Variants in QSOX2 observed in about 807,000 individuals in gnomAD.
QSOX2 encodes the protein quiescin sulfhydryl oxidase 2, also known as sulfhydryl oxidase 2.
Under a neutral mutation model 61.7 loss-of-function variants are expected in QSOX2, and 46 were observed. That is an observed-to-expected ratio of 0.75 (90% CI 0.59 to 0.95). The LOEUF (loss-of-function observed/expected upper bound fraction) is 0.95. QSOX2 is among the 40% of genes least tolerant of loss of function. The pLI, the probability that QSOX2 is intolerant of heterozygous loss-of-function variation, is 0.00. For missense variants in QSOX2, 879 were observed against 918.9 expected, an observed-to-expected ratio of 0.96 and a Z score of 0.56; for synonymous variants, 383 against 388.4, an observed-to-expected ratio of 0.99 and a Z score of 0.16.
At chr9:136,226,914 G>C (rs1830287795) in intron 1 of QSOX2, 40 bp from the exon 2 acceptor site, 1 of 1,574,952 alleles carries the variant, frequency 6.3e-7, no homozygotes, top group South Asian at 1.1e-5. Flanking sequence ...GGTGAGCACT[G>C]GACTCCCGGG....
At position 136,223,730 on chromosome 9, in the gene QSOX2, G is replaced by T. The variant is rs757995608; in HGVS notation, c.675+33C>A. On this transcript the variant is annotated intron_variant, in intron 5 of 11. Transcript: ENST00000358701. This position sits in a 1 kb window ranked among gnomAD's most constrained non-coding sequence, Gnocchi z 4.4. ...CCACCGCCAACCCCAATCACACCAC[G>T]TGTGACACCTGGAGCCCACGCAGAG... The T allele has an allele frequency of 6.4e-7, 1 of 1,572,124 alleles. No individual in the cohort carries two copies. Among genetic ancestry groups the T allele is most frequent in the Non-Finnish European group, 8.7e-7 (1 of 1,144,136 alleles).
rs1472452977 is a variant in QSOX2, at chr9:136,218,674, C to G, written c.1086+5G>C. The G allele has an allele frequency of 6.2e-7, 1 of 1,613,214 alleles. No homozygotes were observed. On this transcript the variant is annotated splice_donor_5th_base_variant and intron_variant, in intron 8 of 11. Transcript: ENST00000358701. ...CATGCAGCCCAGACCAGCACCGTCC[C>G]AAACCTTGGCCAAGACAGTCACAAA...
At chr9:136,210,416 A>G in intron 11 of QSOX2, 1 of 985,462 alleles carries the variant, frequency 1.0e-6, no homozygotes, top group South Asian at 4.7e-5. Flanking sequence ...CAGGGGCTCC[A>G]GGTCCAGGCA....
rs747188566 is a variant in QSOX2, at chr9:136,209,304, G to A, written c.1550-29C>T. On this transcript the variant is annotated intron_variant, in intron 11 of 11. Transcript: ENST00000358701. This position sits in a 1 kb window ranked among gnomAD's most constrained non-coding sequence, Gnocchi z 5.6. The stretch of plus-strand genomic sequence containing the variant: ...GGAAGAAAAGGAAGCGGGAGAGCCA[G>A]AGGGAAGGAGGCTTTGTGCAGCCAC... 1.3e-6 allele frequency: 2 copies of A among 1,599,650 alleles called. No homozygotes were observed. Among genetic ancestry groups the A allele is most frequent in the East Asian group, 2.2e-5 (1 of 44,644 alleles).
intron 9 of QSOX2, among the ~76,000 whole-genome samples, chr9:136,216,121 C>G (rs527325507): frequency 3.3e-5 from 5 of 152,228 alleles, no homozygotes; most frequent in Non-Finnish European, 5.9e-5. Flanking sequence ...AGTAAACACT[C>G]TGGGGGCCAC....
chr9:136,218,445 C>T (rs1831939208), intron 8 of QSOX2, among the ~76,000 whole-genome samples: 2 of 152,242 alleles, frequency 1.3e-5, no homozygotes, highest in Admixed American at 1.3e-4. Flanking sequence ...TCGGCTCACA[C>T]CCCCGCCCCT....
rs555201228 is a variant in QSOX2, at chr9:136,207,136, C to T, written c.*1592G>A. The T allele has an allele frequency of 1.3e-5, 2 of 152,358 alleles. No homozygotes were observed. The highest frequency in any genetic ancestry group is 2.1e-4 in the South Asian group (1 of 4,802). 9.4% of individuals were successfully genotyped at this position (152,358 alleles called of 1,614,324 possible). On this transcript the variant is annotated 3_prime_UTR_variant, in exon 12 of 12. Coordinates refer to ENST00000358701, the MANE Select transcript of QSOX2 (RefSeq NM_181701.4). ...CACCGCTCCCACCAGACACCTCTCC[C>T]GCCAGCTGCAGGGCCCTGGGCAGCG...
intron 10 of QSOX2, among the ~76,000 whole-genome samples, chr9:136,214,466 G>T (rs1303460805): frequency 6.6e-6 from 1 of 152,230 alleles, no homozygotes; most frequent in East Asian, 1.9e-4. Flanking sequence ...TGCTGATGAG[G>T]CTTGCTGCCA....
chr9:136,234,613 G>A (rs1299874334), intron 1 of QSOX2, among the ~76,000 whole-genome samples: 4 of 152,224 alleles, frequency 2.6e-5, no homozygotes, highest in East Asian at 1.9e-4. Context: ...CTGGCACCCA[G>A]GAACCTTCCT....
chr9:136,233,053 A>G (rs1830346970), intron 1 of QSOX2, among the ~76,000 whole-genome samples: 1 of 152,152 alleles, frequency 6.6e-6, no homozygotes, highest in South Asian at 2.1e-4. Flanking sequence ...GACATGAATT[A>G]GGAAGGAAGA....
Position 136,221,685 on chromosome 9 carries a change from G to A in QSOX2, c.821+111C>T, listed in dbSNP as rs1294891399. The A allele has an allele frequency of 2.3e-5, 28 of 1,195,694 alleles. No individual in the cohort carries two copies. Among genetic ancestry groups the A allele is most frequent in the East Asian group, 1.1e-4 (4 of 37,766 alleles). The allele number at this position is 1,195,694 out of a possible 1,614,324, so 74.1% of individuals were successfully genotyped here. A position where few individuals can be genotyped will look rare whatever the true frequency, so the allele number is the denominator to read the frequency against. ...CCAAATCTGCCCAGGGAAGCGAGGC[G>A]GAGGGGCCAGGGCTCCCCCGATCTC... On this transcript the variant is annotated intron_variant, in intron 6 of 11. Coordinates refer to ENST00000358701, the MANE Select transcript of QSOX2 (RefSeq NM_181701.4). This position sits in a 1 kb window ranked among gnomAD's most constrained non-coding sequence, Gnocchi z 4.5.
rs1831817792 is a variant in QSOX2, at chr9:136,209,314, G to A, written c.1550-39C>T. On this transcript the variant is annotated intron_variant, in intron 11 of 11. Coordinates refer to ENST00000358701, the MANE Select transcript of QSOX2 (RefSeq NM_181701.4). The surrounding 1 kb of genome is among the most constrained non-coding windows in gnomAD (Gnocchi z 5.6). The stretch of plus-strand genomic sequence containing the variant: ...GAAGCGGGAGAGCCAGAGGGAAGGA[G>A]GCTTTGTGCAGCCACGTGCAGCGTG... The A allele has an allele frequency of 6.3e-7, 1 of 1,594,076 alleles. No homozygotes were observed. The highest frequency in any genetic ancestry group is 8.6e-7 in the Non-Finnish European group (1 of 1,168,502).
At chr9:136,224,398 A>C (rs1830259762) in intron 3 of QSOX2, among the ~76,000 whole-genome samples, 1 of 152,204 alleles carries the variant, frequency 6.6e-6, no homozygotes, top group South Asian at 2.1e-4. Context: ...TGCGAGGAGC[A>C]GGCCAGGCGG....
chr9:136,214,072 G>T (rs1415278795), intron 10 of QSOX2, among the ~76,000 whole-genome samples: 2 of 152,140 alleles, frequency 1.3e-5, no homozygotes, highest in Non-Finnish European at 2.9e-5. Flanking sequence ...GCGTTGAACT[G>T]TGTGAGTCAA....
rs759131121 is a variant in QSOX2, at chr9:136,211,436, G to A, written c.1377C>T (p.Pro459=). 6 of 1,613,800 alleles carry A rather than the reference G, an allele frequency of 3.7e-6. No homozygotes were observed. Among genetic ancestry groups the A allele is most frequent in the African/African-American group, 1.3e-5 (1 of 74,942 alleles). ...TCCTCATTGTCTGCAGCACAGCCTGGGGGTCGTCTTCAAAGCCTGCAGGGG... is the reference window on the plus strand; with the variant it reads ...TCCTCATTGTCTGCAGCACAGCCTGAGGGTCGTCTTCAAAGCCTGCAGGGG... The part of the protein sequence containing the change: ...ALVGTGFEDD[P]QAVLQTMRRY... Residue 459 remains proline, a synonymous_variant, in exon 11 of 12, where the codon CCC becomes CCT. Transcript: ENST00000358701.
rs775296723 is a variant in QSOX2 at position 136,209,226 on chromosome 9, C to T, written c.1599G>A (p.Pro533=). 3.7e-5 allele frequency: 59 copies of T among 1,613,798 alleles called. No individual in the cohort carries two copies. Among genetic ancestry groups the T allele is most frequent in the Middle Eastern group, 1.6e-4 (1 of 6,084 alleles). ...CCTCATGGCAGGCTGGGCAGAGGTCCGGAGTGGGCCACTGAAGCTTTGGAA... is the reference window on the plus strand; with the variant it reads ...CCTCATGGCAGGCTGGGCAGAGGTCTGGAGTGGGCCACTGAAGCTTTGGAA... ...PRFPKLQWPT[P]DLCPACHEEI... The change falls in exon 12 of 12, where the codon CCG becomes CCA. Residue 533 remains proline, a synonymous_variant. Transcript: ENST00000358701. This position sits in a 1 kb window ranked among gnomAD's most constrained non-coding sequence, Gnocchi z 5.6.
rs1272127398 is a variant in QSOX2 at position 136,226,855 on chromosome 9, G to A, written c.348C>T (p.Arg116=). 4.3e-6 allele frequency: 7 copies of A among 1,613,998 alleles called. No individual in the cohort carries two copies. Among genetic ancestry groups the A allele is most frequent in the African/African-American group, 2.7e-5 (2 of 74,926 alleles). Residue 116 remains arginine, a synonymous_variant, in exon 2 of 12, where the codon CGC becomes CGT. Coordinates refer to ENST00000358701, the MANE Select transcript of QSOX2 (RefSeq NM_181701.4). The stretch of plus-strand genomic sequence containing the variant: ...CTTCCATGCAGTCCAGAGCTGCGAC[G>A]CGAATGGCACTGGCCCAGTCTGAAA... ...GDVRDWASAI[R]VAALDCMEEK...
rs1831776139 is a variant in QSOX2 at position 136,207,204 on chromosome 9, C to T, written c.*1524G>A. 2 of 152,352 alleles carry T rather than the reference C, an allele frequency of 1.3e-5. No individual in the cohort carries two copies. The highest frequency in any genetic ancestry group is 4.8e-5 in the African/African-American group (2 of 41,434). 9.4% of individuals were successfully genotyped at this position (152,352 alleles called of 1,614,324 possible). A position where few individuals can be genotyped will look rare whatever the true frequency, so the allele number is the denominator to read the frequency against. ...CTGTGACAGTTGTTGAAAGAATCAG[C>T]TGTTGCCTTTTTTTCTCAAGCGACA... On this transcript the variant is annotated 3_prime_UTR_variant, in exon 12 of 12. Coordinates refer to ENST00000358701, the MANE Select transcript of QSOX2 (RefSeq NM_181701.4).
intron 6 of QSOX2, 52 bp from the exon 7 acceptor site, chr9:136,219,216 A>G (rs1391372292): frequency 4.4e-6 from 7 of 1,584,534 alleles, no homozygotes; most frequent in South Asian, 3.4e-5. Context: ...ATAAAATCCT[A>G]AAGTAGGAGC....
Sources: gnomAD v4.1 joint callset for allele counts (sites outside exome capture counted in the v4.1 genomes callset) on GRCh38, gnomAD v4.1.1 for gene constraint, Gnocchi (gnomAD v3.1) non-coding constraint, MANE v1.5 for transcripts, NCBI Gene and HGNC (gene_info 2026-07-23, HGNC 2026-07-21) for gene names.